ATP6V1H: variants seen among roughly 807,000 people sequenced by gnomAD.
ATP6V1H encodes the protein V-type proton ATPase subunit H.
In ATP6V1H, 39 loss-of-function variants were observed where a neutral mutation model predicts 71.7. The observed-to-expected ratio is 0.54, with a 90% CI of 0.42 to 0.71. The LOEUF is 0.71. Ranked by LOEUF, ATP6V1H falls within the 30% of genes least tolerant of loss-of-function variation. ATP6V1H has a pLI of 0.00. For missense variants in ATP6V1H, 509 were observed against 594.9 expected (o/e 0.86, Z 1.50); for synonymous variants, 192 against 199.3 (o/e 0.96, Z 0.31).
At chr8:53,802,330 G>C (rs183575158) in intron 7 of ATP6V1H, among the ~76,000 whole-genome samples, 1 of 152,170 alleles carries the variant, frequency 6.6e-6, no homozygotes, top group African/African-American at 2.4e-5. Flanking sequence ...ATATGTAAAT[G>C]ACCGTGGACA....
At chr8:53,775,252 C>T (rs1387701513) in intron 9 of ATP6V1H, among the ~76,000 whole-genome samples, 2 of 152,134 alleles carry the variant, frequency 1.3e-5, no homozygotes, top group African/African-American at 4.8e-5. Flanking sequence ...AGCTGCAGAC[C>T]TCCACGGTAT....
At chr8:53,786,503 CACCCTGCTTT>C (rs1483879816) in intron 9 of ATP6V1H, among the ~76,000 whole-genome samples, 1 of 152,152 alleles carries the variant, frequency 6.6e-6, no homozygotes, top group African/African-American at 2.4e-5. Flanking sequence ...GGCGATGCCT[CACCCTGCTTT>C]GGCTCACGCA....
At chr8:53,740,078 A>G (rs1807359798) in intron 13 of ATP6V1H, among the ~76,000 whole-genome samples, 1 of 152,180 alleles carries the variant, frequency 6.6e-6, no homozygotes, top group Non-Finnish European at 1.5e-5. Flanking sequence ...ATAAATAAGT[A>G]TTTTCCCATT....
At chr8:53,819,576 ATATAT>A (rs1810569257) in intron 4 of ATP6V1H, among the ~76,000 whole-genome samples, 1 of 129,938 alleles carries the variant, frequency 7.7e-6, no homozygotes, top group African/African-American at 2.8e-5. Context: ...ATATATATAT[ATATAT>A]ATATAAAATA....
chr8:53,748,781 A>G (rs1807696255), intron 12 of ATP6V1H, among the ~76,000 whole-genome samples: 1 of 152,122 alleles, frequency 6.6e-6, no homozygotes, highest in Admixed American at 6.5e-5. Context: ...TCTTTTCTGT[A>G]TTTTTCAAGT....
intron 9 of ATP6V1H, among the ~76,000 whole-genome samples, chr8:53,776,537 AAG>A (rs1808897359): frequency 1.3e-5 from 2 of 152,350 alleles, no homozygotes; most frequent in South Asian, 2.1e-4. Flanking sequence ...TCCCCACAGG[AAG>A]AGAGAGCTTG....
chr8:53,787,578 G>A (rs1239075583), intron 9 of ATP6V1H, among the ~76,000 whole-genome samples: 1 of 152,192 alleles, frequency 6.6e-6, no homozygotes, highest in African/African-American at 2.4e-5. Context: ...GTATATCACT[G>A]TAAAAATACA....
At chr8:53,741,174 G>A (rs1807400884) in intron 13 of ATP6V1H, among the ~76,000 whole-genome samples, 1 of 152,136 alleles carries the variant, frequency 6.6e-6, no homozygotes, top group African/African-American at 2.4e-5. Context: ...AATGTACTAT[G>A]AGACTACATC....
At position 53,769,687 on chromosome 8, in the gene ATP6V1H, A is replaced by C; in HGVS notation, c.1106T>G (p.Val369Gly). 6.2e-7 allele frequency: 1 copy of C among 1,612,816 alleles called. No homozygotes were observed. The highest frequency in any genetic ancestry group is 8.5e-7 in the Non-Finnish European group (1 of 1,179,018). Residue 369 changes from valine (V) to glycine (G), a missense_variant, in exon 11 of 14, where the codon GTG (valine) becomes GGG (glycine). Physicochemically the swap from Val to Gly is moderately radical, Grantham distance 109 (BLOSUM62 -3). Transcript: ENST00000359530. ...LKSGRLEWSP[V>G]HKSEKFWREN... ...TCTCCAAAATTTCTCAGATTTGTGC[A>C]CAGGACTCCATTCCAACCTTCCAGA...
intron 13 of ATP6V1H, among the ~76,000 whole-genome samples, chr8:53,737,713 T>C (rs1412097680): frequency 6.6e-6 from 1 of 152,222 alleles, no homozygotes; most frequent in African/African-American, 2.4e-5. Context: ...TAAAAACAGA[T>C]GATAAACTTC....
chr8:53,818,130 C>T (rs184761363), intron 4 of ATP6V1H, among the ~76,000 whole-genome samples: 1 of 152,306 alleles, frequency 6.6e-6, no homozygotes, highest in Admixed American at 6.5e-5. Context: ...TAAATTTTCT[C>T]TATCACTGGC....
At chr8:53,834,571 C>A (rs1402141247) in intron 2 of ATP6V1H, among the ~76,000 whole-genome samples, 5 of 151,828 alleles carry the variant, frequency 3.3e-5, no homozygotes, top group African/African-American at 1.2e-4. Flanking sequence ...GACTACAGGC[C>A]CATGCCACCA....
At chr8:53,732,325 C>CA (rs930735218) in intron 13 of ATP6V1H, among the ~76,000 whole-genome samples, 2 of 151,836 alleles carry the variant, frequency 1.3e-5, no homozygotes, top group African/African-American at 4.8e-5. Flanking sequence ...TATACATATA[C>CA]AAAAAAATAA....
chr8:53,825,264 T>C (rs1251035237), intron 4 of ATP6V1H, among the ~76,000 whole-genome samples: 1 of 152,112 alleles, frequency 6.6e-6, no homozygotes, highest in African/African-American at 2.4e-5. Context: ...TTCAAACTCC[T>C]GGCTTCAAGC....
intron 11 of ATP6V1H, among the ~76,000 whole-genome samples, chr8:53,765,266 G>T (rs1217511353): frequency 1.3e-5 from 2 of 151,884 alleles, no homozygotes; most frequent in Non-Finnish European, 2.9e-5. Context: ...GCTGGGCGTG[G>T]TGGTGCGCGC....
intron 8 of ATP6V1H, among the ~76,000 whole-genome samples, chr8:53,797,951 G>A (rs1809795535): frequency 6.6e-6 from 1 of 152,126 alleles, no homozygotes; most frequent in African/African-American, 2.4e-5. Context: ...AATGCCAATG[G>A]TAGTTTAATG....
At chr8:53,794,281 A>T (rs1809658125) in intron 9 of ATP6V1H, among the ~76,000 whole-genome samples, 1 of 152,232 alleles carries the variant, frequency 6.6e-6, no homozygotes, top group Non-Finnish European at 1.5e-5. Context: ...GCTTGCAAAC[A>T]TCTGAAAGAT....
intron 2 of ATP6V1H, among the ~76,000 whole-genome samples, chr8:53,834,301 T>C (rs1248837116): frequency 6.6e-6 from 1 of 152,208 alleles, no homozygotes; most frequent in African/African-American, 2.4e-5. Flanking sequence ...GTTATGCAGA[T>C]TAAATGAAAA....
intron 12 of ATP6V1H, among the ~76,000 whole-genome samples, chr8:53,749,288 T>A (rs1305055672): frequency 6.6e-6 from 1 of 152,224 alleles, no homozygotes; most frequent in African/African-American, 2.4e-5. Flanking sequence ...TAGTTACAAG[T>A]AACAAAAACT....
Sources: gnomAD v4.1 joint callset for allele counts (sites outside exome capture counted in the v4.1 genomes callset) on GRCh38, gnomAD v4.1.1 for gene constraint, MANE v1.5 for transcripts, NCBI Gene and HGNC (gene_info 2026-07-23, HGNC 2026-07-21) for gene names.